Variants in RPS6KB1 observed in about 807,000 individuals in gnomAD.
RPS6KB1 encodes the protein ribosomal protein S6 kinase B1, also known as ribosomal protein S6 kinase beta-1.
RPS6KB1 carries 12 observed loss-of-function variants against 70.2 expected under a neutral mutation model. The observed-to-expected ratio is 0.17, with a 90% confidence interval of 0.11 to 0.28. RPS6KB1 has a LOEUF of 0.28. Among genes scored for constraint, RPS6KB1 ranks in the 10% least tolerant of loss-of-function variants. The pLI, the probability that RPS6KB1 is intolerant of heterozygous loss-of-function variation, is 1.00. For missense variants in RPS6KB1, 270 were observed against 646.6 expected (o/e 0.42, Z 6.32); for synonymous variants, 175 against 211.2 (o/e 0.83, Z 1.49).
chr17:59,906,412 G>A (rs371309229), intron 1 of RPS6KB1, among the ~76,000 whole-genome samples: 34 of 152,210 alleles, frequency 2.2e-4, no homozygotes, highest in African/African-American at 8.2e-4. Context: ...GCCCAGGCTG[G>A]AGTGTGCAGT....
intron 13 of RPS6KB1, among the ~76,000 whole-genome samples, chr17:59,941,658 G>A (rs1228811543): frequency 1.4e-5 from 2 of 146,264 alleles, no homozygotes; most frequent in African/African-American, 2.6e-5. Flanking sequence ...TTTTTGAGAC[G>A]GAGTCTTGCT....
chr17:59,900,211 CA>C (rs1693460053), intron 1 of RPS6KB1, among the ~76,000 whole-genome samples: 2 of 140,820 alleles, frequency 1.4e-5, no homozygotes, highest in Non-Finnish European at 3.0e-5. Context: ...CACACACACA[CA>C]CACACACACA....
In RPS6KB1 at chr17:59,946,998, C is replaced by G; in HGVS notation, c.*210C>G. The G allele has an allele frequency of 7.2e-7, 1 of 1,392,842 alleles. No homozygotes were observed. Among genetic ancestry groups the G allele is most frequent in the Non-Finnish European group, 9.3e-7 (1 of 1,073,896 alleles). 86.3% of individuals were successfully genotyped at this position (1,392,842 alleles called of 1,614,324 possible). The stretch of plus-strand genomic sequence containing the variant: ...TAAAGCAAAATAGTATTGCTGAACT[C>G]TTAGGCACATCAATTAATTGATTCC... On this transcript the variant is annotated 3_prime_UTR_variant, in exon 15 of 15. Transcript: ENST00000225577. The surrounding 1 kb of genome is among the most constrained non-coding windows in gnomAD (Gnocchi z 4.2).
intron 1 of RPS6KB1, among the ~76,000 whole-genome samples, chr17:59,902,254 G>A (rs548058814): frequency 4.6e-5 from 7 of 151,398 alleles, no homozygotes; most frequent in Non-Finnish European, 1.0e-4. Context: ...ACAGGTGTGC[G>A]CCACCACACC....
chr17:59,940,264 C>T (rs1271131026), intron 12 of RPS6KB1, among the ~76,000 whole-genome samples: 2 of 141,220 alleles, frequency 1.4e-5, no homozygotes, highest in Non-Finnish European at 3.1e-5. Flanking sequence ...GTTTTGAGCT[C>T]GATATATTCA....
Position 59,900,230 on chromosome 17 carries a change from A to ACC in RPS6KB1, c.141+6908_141+6909dup, listed in dbSNP as rs71145588. The stretch of plus-strand genomic sequence containing the variant: ...CACACACACACACACACACACACAC[A>ACC]CCCCTATGTGTTTTTGTTGTGTATG... On this transcript the variant is annotated intron_variant, in intron 1 of 14. Transcript: ENST00000225577. Among the ~76,000 whole-genome samples, 405 of 136,812 alleles carry ACC rather than the reference A, an allele frequency of 3.0e-3. 1 individual carries two copies. Among genetic ancestry groups the ACC allele is most frequent in the South Asian group, 9.9e-3 (41 of 4,136 alleles). 89.8% of individuals were successfully genotyped at this position (136,812 alleles called of 152,430 possible).
intron 1 of RPS6KB1, 148 bp from the exon 2 acceptor site, chr17:59,910,414 C>T: frequency 1.8e-6 from 1 of 565,920 alleles, no homozygotes; most frequent in South Asian, 2.3e-5. Flanking sequence ...GTGTTTTGTT[C>T]ATTACCATAT....
intron 3 of RPS6KB1, 128 bp from the exon 4 acceptor site, chr17:59,914,507 G>T: frequency 1.4e-6 from 1 of 736,900 alleles, no homozygotes. Context: ...TGTTCTTTTA[G>T]CTGATCATTT....
At chr17:59,945,280 G>C (rs1309242815) in intron 13 of RPS6KB1, 126 bp from the exon 14 acceptor site, 3 of 568,428 alleles carry the variant, frequency 5.3e-6, no homozygotes, top group Non-Finnish European at 9.7e-6. Context: ...TTGAGGACGT[G>C]GGAGAGTGTA....
At chr17:59,913,665 G>A (rs759686101) in intron 3 of RPS6KB1, 1 of 152,114 alleles carries the variant, frequency 6.6e-6, no homozygotes, top group Non-Finnish European at 1.5e-5. Context: ...TTGCATATAA[G>A]CTACACACAT....
chr17:59,927,660 C>G (rs946853874), intron 5 of RPS6KB1, among the ~76,000 whole-genome samples: 1 of 151,504 alleles, frequency 6.6e-6, no homozygotes, highest in Non-Finnish European at 1.5e-5. Context: ...GCATGCGCCA[C>G]CACACTTGGC....
chr17:59,945,339 A>C lies in RPS6KB1; in HGVS notation c.1228-67A>C. On this transcript the variant is annotated intron_variant, in intron 13 of 14. Transcript: ENST00000225577. ...ATCATTGTGTAGGTATGTCAGACTG[A>C]ACAACCCCATTCTCTTGAGATACAT... is the stretch of plus-strand genomic sequence containing the variant. 6 of 827,358 alleles carry C rather than the reference A, an allele frequency of 7.3e-6. No individual in the cohort carries two copies. The South Asian group carries it at 8.8e-5, about 12-fold the overall frequency. The allele number at this position is 827,358 out of a possible 1,614,324, so 51.3% of individuals were successfully genotyped here.
rs771959807 is a variant in RPS6KB1, at chr17:59,910,590, G to C, written c.170G>C (p.Gly57Ala). 6.3e-7 allele frequency: 1 copy of C among 1,591,918 alleles called. No homozygotes were observed. Among genetic ancestry groups the C allele is most frequent in the Non-Finnish European group, 8.6e-7 (1 of 1,166,844 alleles). ...GGQLNESMDH[G>A]GVGPYELGME... ...CAGTTAAATGAAAGCATGGACCATG[G>C]GGGAGTTGGACCATATGAACTGTAA... The change falls in exon 2 of 15, where the codon GGG (glycine) becomes GCG (alanine). Residue 57 changes from glycine (G) to alanine (A), a missense_variant. Physicochemically the swap from Gly to Ala is moderately conservative, Grantham distance 60. Around this residue, in one of 4 missense-constraint regions of RPS6KB1, gnomAD observed 72 missense variants for 93.4 expected, o/e 0.77. Transcript: ENST00000225577.
At chr17:59,902,180 C>A (rs2041997963) in intron 1 of RPS6KB1, among the ~76,000 whole-genome samples, 1 of 139,048 alleles carries the variant, frequency 7.2e-6, no homozygotes, top group African/African-American at 2.8e-5. Flanking sequence ...TCTCTGCTCA[C>A]TGCAACCTCT....
chr17:59,917,337 A>T (rs1259047065), intron 4 of RPS6KB1, among the ~76,000 whole-genome samples: 1 of 152,002 alleles, frequency 6.6e-6, no homozygotes, highest in East Asian at 1.9e-4. Flanking sequence ...GCTGGTGTTG[A>T]ACTCCTGGGC....
At chr17:59,926,840 G>A (rs1332682541) in intron 5 of RPS6KB1, among the ~76,000 whole-genome samples, 3 of 151,946 alleles carry the variant, frequency 2.0e-5, no homozygotes, top group African/African-American at 4.8e-5. Context: ...ACAGAAAAAC[G>A]AATACCTAAG....
chr17:59,894,950 C>T (rs950228817), intron 1 of RPS6KB1, among the ~76,000 whole-genome samples: 8 of 151,964 alleles, frequency 5.3e-5, no homozygotes, highest in Admixed American at 5.3e-4. Flanking sequence ...CAAAATCACA[C>T]GGTTTAGAAA....
chr17:59,940,195 G>A (rs1327187429), intron 12 of RPS6KB1, among the ~76,000 whole-genome samples: 2 of 151,480 alleles, frequency 1.3e-5, no homozygotes, highest in African/African-American at 2.4e-5. Context: ...TTAGCCAGTG[G>A]ACTAGGCACA....
chr17:59,921,000 T>TG (rs1212504138), intron 4 of RPS6KB1, among the ~76,000 whole-genome samples: 1 of 152,246 alleles, frequency 6.6e-6, no homozygotes, highest in East Asian at 1.9e-4. Flanking sequence ...GCCCAGCCTC[T>TG]GGTCAAGATT....
Sources: allele counts gnomAD v4.1 joint callset (sites outside exome capture counted in the v4.1 genomes callset), GRCh38; gene constraint gnomAD v4.1.1; regional missense constraint gnomAD v4.1.1; non-coding constraint Gnocchi (gnomAD v3.1); transcripts MANE v1.5; gene names NCBI Gene and HGNC (gene_info 2026-07-23, HGNC 2026-07-21).